UBXN2A: variants seen among roughly 807,000 people sequenced by gnomAD.
The protein encoded by UBXN2A is UBX domain protein 2A.
UBXN2A carries 28 observed loss-of-function variants against 28.4 expected under a neutral mutation model. The observed-to-expected ratio is 0.99, with a 90% CI of 0.73 to 1.35. UBXN2A has a LOEUF of 1.35. Ranked by LOEUF, UBXN2A falls within the 40% of genes most tolerant of loss-of-function variation. UBXN2A has a pLI of 0.00. For missense variants in UBXN2A, 253 were observed against 297.9 expected (o/e 0.85, Z 1.11); for synonymous variants, 97 against 103.6 (o/e 0.94, Z 0.39).
upstream of UBXN2A, among the ~76,000 whole-genome samples, chr2:23,940,094 G>A (rs1333843648): frequency 7.3e-6 from 1 of 137,108 alleles, no homozygotes; most frequent in Non-Finnish European, 1.5e-5. Flanking sequence ...TGGGGGACAA[G>A]AGCGAGATTT....
At chr2:23,994,215 TCA>T (rs1324648514) in intron 6 of UBXN2A, among the ~76,000 whole-genome samples, 13 of 152,332 alleles carry the variant, frequency 8.5e-5, no homozygotes, top group African/African-American at 2.9e-4. Context: ...TTTTTTCCTC[TCA>T]GTTTAAAATT....
chr2:23,938,061 A>G (rs1353721593), upstream of UBXN2A, among the ~76,000 whole-genome samples: 1 of 152,210 alleles, frequency 6.6e-6, no homozygotes. Context: ...GCTGTAAGTC[A>G]TGGACCGAAA....
At chr2:23,944,641 T>C (rs1705959543) in intron 1 of UBXN2A, among the ~76,000 whole-genome samples, 1 of 152,166 alleles carries the variant, frequency 6.6e-6, no homozygotes, top group African/African-American at 2.4e-5. Flanking sequence ...TATTGGGCTT[T>C]GATTTGTGCT....
chr2:23,963,709 G>A (rs1236526351), intron 2 of UBXN2A, among the ~76,000 whole-genome samples: 3 of 152,090 alleles, frequency 2.0e-5, no homozygotes, highest in Non-Finnish European at 1.5e-5. Flanking sequence ...ATGCAAAATG[G>A]TGTAGCTACT....
intron 1 of UBXN2A, among the ~76,000 whole-genome samples, chr2:23,932,561 A>C (rs1395433783): frequency 6.8e-6 from 1 of 147,992 alleles, no homozygotes; most frequent in African/African-American, 2.5e-5. Context: ...GTGGGGGTGC[A>C]GGGTTGGGAG....
At chr2:23,989,384 G>A (rs961988214) in intron 6 of UBXN2A, among the ~76,000 whole-genome samples, 1 of 148,958 alleles carries the variant, frequency 6.7e-6, no homozygotes, top group Non-Finnish European at 1.5e-5. Context: ...GATCACTGCA[G>A]CCTCCACCTC....
At chr2:23,963,238 C>T (rs1031699077) in intron 2 of UBXN2A, among the ~76,000 whole-genome samples, 1 of 151,980 alleles carries the variant, frequency 6.6e-6, no homozygotes, top group Non-Finnish European at 1.5e-5. Flanking sequence ...AAGAAAACGC[C>T]GGGCGCAGTG....
chr2:23,978,311 A>G (rs1269205294), intron 4 of UBXN2A, among the ~76,000 whole-genome samples: 1 of 152,068 alleles, frequency 6.6e-6, no homozygotes, highest in African/African-American at 2.4e-5. Flanking sequence ...CTCTGACCCT[A>G]CTCTGGCTTG....
At chr2:23,983,081 T>C in intron 5 of UBXN2A, 48 bp downstream of exon 5, 3 of 1,481,550 alleles carry the variant, frequency 2.0e-6, no homozygotes, top group Non-Finnish European at 2.7e-6. Context: ...GCTTAACTAA[T>C]ATTCTGTCTA....
intron 1 of UBXN2A, among the ~76,000 whole-genome samples, chr2:23,947,998 G>A (rs1706172115): frequency 6.6e-6 from 1 of 151,562 alleles, no homozygotes; most frequent in South Asian, 2.1e-4. Context: ...GAGATTACAG[G>A]TGCCCACCAC....
intron 2 of UBXN2A, among the ~76,000 whole-genome samples, chr2:23,964,731 TAA>T (rs1003742968): frequency 2.6e-5 from 4 of 152,204 alleles, no homozygotes; most frequent in Non-Finnish European, 4.4e-5. Context: ...AAAAATATGT[TAA>T]GAGGTTAGGT....
chr2:23,974,119 A>T (rs1200180448), intron 3 of UBXN2A, among the ~76,000 whole-genome samples: 1 of 145,012 alleles, frequency 6.9e-6, no homozygotes, highest in African/African-American at 2.6e-5. Flanking sequence ...GGTTCATGCC[A>T]TTCTCCTGCC....
At position 23,977,047 on chromosome 2, in the gene UBXN2A, C is replaced by G. The variant is rs372187415; in HGVS notation, c.259C>G (p.Gln87Glu). The change falls in exon 4 of 7, where the codon CAG becomes GAG. Residue 87 changes from glutamine to glutamate, a missense_variant. By Grantham distance (29) the Gln-to-Glu change is conservative. Coordinates refer to ENST00000309033, the MANE Select transcript of UBXN2A (RefSeq NM_181713.4). The stretch of plus-strand genomic sequence containing the variant: ...CAGAAGTTATTCCGATGGTGCCAGT[C>G]AGCAGTTTTTGAACTCCATCAAAAA... ...DFRSYSDGAS[Q>E]QFLNSIKKGE... 2 of 1,612,886 alleles carry G rather than the reference C, an allele frequency of 1.2e-6. No homozygotes were observed. The highest frequency in any genetic ancestry group is 8.5e-7 in the Non-Finnish European group (1 of 1,179,116).
upstream of UBXN2A, among the ~76,000 whole-genome samples, chr2:23,939,029 T>TG: frequency 6.6e-6 from 1 of 152,076 alleles, no homozygotes; most frequent in East Asian, 1.9e-4. Flanking sequence ...AGGGAGGTGG[T>TG]GGTGGGGGGA....
intron 1 of UBXN2A, among the ~76,000 whole-genome samples, chr2:23,928,001 C>A (rs1159065413): frequency 6.6e-6 from 1 of 151,726 alleles, no homozygotes. Context: ...CATGGTGAAA[C>A]CCTGTCTCCA....
chr2:23,971,418 A>G lies in UBXN2A; in HGVS notation c.180+4A>G, dbSNP rs1464864941. On this transcript the variant is annotated splice_donor_region_variant and intron_variant, in intron 3 of 6. Coordinates refer to ENST00000309033, the MANE Select transcript of UBXN2A (RefSeq NM_181713.4). ...TCCCGCTGAACAGAAGAAACAGGTA[A>G]ATAAATGTCTATTACTTTTCTTTTT... 6.5e-7 allele frequency: 1 copy of G among 1,531,864 alleles called. No homozygotes were observed. 94.9% of individuals were successfully genotyped at this position (1,531,864 alleles called of 1,614,324 possible).
At chr2:23,986,632 A>G (rs1393430370) in intron 6 of UBXN2A, among the ~76,000 whole-genome samples, 4 of 143,138 alleles carry the variant, frequency 2.8e-5, no homozygotes, top group Non-Finnish European at 4.5e-5. Flanking sequence ...TTTTTTTGAG[A>G]CGGGGTCTTC....
chr2:23,962,105 A>C (rs1461692968), intron 2 of UBXN2A, among the ~76,000 whole-genome samples: 1 of 151,956 alleles, frequency 6.6e-6, no homozygotes, highest in Non-Finnish European at 1.5e-5. Flanking sequence ...TCAGCCTCCC[A>C]AAAGTGCTAG....
At position 23,930,724 on chromosome 2, in the gene UBXN2A, GAGAA is replaced by G. The variant is rs527562189; in HGVS notation, c.-138+3115_-138+3118del. Among the ~76,000 whole-genome samples, 21 of 152,216 alleles carry G rather than the reference GAGAA, an allele frequency of 1.4e-4. No homozygotes were observed. The South Asian group carries it at 4.1e-3, about 30-fold the overall frequency. On this transcript the variant is annotated intron_variant, in intron 1 of 7. Transcript: ENST00000404924. ...TAAATTAAAATAAAATTTTAAAAAAGAGAAAGAAAAAGGGCTGGTTGCAGTGGCT... is the reference window on the plus strand; with the variant it reads ...TAAATTAAAATAAAATTTTAAAAAAGAGAAAAAGGGCTGGTTGCAGTGGCT...
Sources: allele counts gnomAD v4.1 joint callset (sites outside exome capture counted in the v4.1 genomes callset), GRCh38; gene constraint gnomAD v4.1.1; transcripts MANE v1.5; gene names NCBI Gene and HGNC (gene_info 2026-07-23, HGNC 2026-07-21).